PTPRT: variants seen among roughly 807,000 people sequenced by gnomAD.
PTPRT encodes protein tyrosine phosphatase receptor type T.
A neutral mutation model predicts 176.8 loss-of-function variants in PTPRT; 56 were observed. The ratio of observed to expected loss-of-function variants is 0.32; its 90% CI spans 0.26 to 0.40. The LOEUF is 0.40. Ranked by LOEUF, PTPRT falls within the 10% of genes least tolerant of loss-of-function variation. PTPRT has a pLI of 1.00. For synonymous variants in PTPRT, 783 were observed against 739.0 expected (o/e 1.06, Z -0.96); for missense variants, 1,540 against 1,908.2 (o/e 0.81, Z 3.60).
At chr20:42,648,739 C>T (rs551543456) in intron 7 of PTPRT, among the ~76,000 whole-genome samples, 4 of 151,816 alleles carry the variant, frequency 2.6e-5, no homozygotes, top group Non-Finnish European at 4.4e-5. Context: ...CTGTATCAGT[C>T]CATTCTCATG....
intron 2 of PTPRT, among the ~76,000 whole-genome samples, chr20:42,865,155 AG>A (rs1327528699): frequency 6.7e-4 from 102 of 152,322 alleles, no homozygotes; most frequent in Non-Finnish European, 2.1e-4. Context: ...ATGCCACAGC[AG>A]AACTGCTTTA....
chr20:42,766,985 T>C (rs2076991620), intron 5 of PTPRT, among the ~76,000 whole-genome samples: 1 of 152,158 alleles, frequency 6.6e-6, no homozygotes, highest in Admixed American at 6.5e-5. Context: ...CCCAACCTTA[T>C]TATATGAGGC....
intron 11 of PTPRT, among the ~76,000 whole-genome samples, chr20:42,336,100 T>A (rs901461703): frequency 6.6e-5 from 10 of 152,246 alleles, no homozygotes; most frequent in Middle Eastern, 3.4e-3. Context: ...TTAAATTAAT[T>A]ATGTAATAAT....
intron 1 of PTPRT, among the ~76,000 whole-genome samples, chr20:42,912,910 G>A (rs1176417604): frequency 6.6e-6 from 1 of 152,064 alleles, no homozygotes; most frequent in East Asian, 1.9e-4. Context: ...TAATTATTAT[G>A]GATCTGAACA....
chr20:43,187,665 C>G (rs774669449), intron 1 of PTPRT, among the ~76,000 whole-genome samples: 5 of 152,104 alleles, frequency 3.3e-5, no homozygotes, highest in Non-Finnish European at 5.9e-5. Context: ...TATGCTATAT[C>G]GCAGGTTTGC....
intron 1 of PTPRT, among the ~76,000 whole-genome samples, chr20:43,007,686 G>A (rs1184193658): frequency 6.6e-6 from 1 of 152,196 alleles, no homozygotes; most frequent in African/African-American, 2.4e-5. Context: ...GTTTGTTGAT[G>A]TGGCACATTG....
chr20:42,110,362 CG>C lies in PTPRT; in HGVS notation c.3224del (p.Pro1075ArgfsTer6), dbSNP rs1568940954. ...FVRQVKFLNPPEAGPIVVHCS... is the reference protein window; with the variant it reads ...FVRQVKFLNPXEAGPIVVHCS... Reference sequence around the variant, plus strand: ...AGTGGACCACTATGGGCCCAGCTTCCGGGGGGTTGAGGAACTTGACCTGGCG... The same window carrying C: ...AGTGGACCACTATGGGCCCAGCTTCCGGGGGTTGAGGAACTTGACCTGGCG... On this transcript the variant is annotated frameshift_variant, in exon 23 of 31. Transcript: ENST00000373187. LOFTEE classifies it high-confidence loss of function. The C allele has an allele frequency of 6.2e-7, 1 of 1,612,378 alleles. No homozygotes were observed. The highest frequency in any genetic ancestry group is 8.5e-7 in the Non-Finnish European group (1 of 1,178,772).
chr20:42,567,304 AG>A (rs1357825462), intron 7 of PTPRT, among the ~76,000 whole-genome samples: 27 of 149,608 alleles, frequency 1.8e-4, no homozygotes, highest in African/African-American at 5.9e-4. Flanking sequence ...AGAGAGAGAG[AG>A]AGAGAAAAAA....
Position 42,191,038 on chromosome 20 carries a change from C to T in PTPRT, c.2491+8202G>A, listed in dbSNP as rs920900529. Among the ~76,000 whole-genome samples the T allele has an allele frequency of 6.6e-5, 10 of 152,116 alleles. 1 individual carries two copies. The highest frequency in any genetic ancestry group is 2.4e-4 in the African/African-American group (10 of 41,416). On this transcript the variant is annotated intron_variant, in intron 16 of 30. Transcript: ENST00000373187. Reference sequence around the variant, plus strand: ...ATAAGAATGCTTATACAATATAAAACACTCAGCACGTAAATGGGCATATAA... The same window carrying T: ...ATAAGAATGCTTATACAATATAAAATACTCAGCACGTAAATGGGCATATAA...
At chr20:42,319,506 A>G (rs1393058182) in intron 11 of PTPRT, among the ~76,000 whole-genome samples, 1 of 152,178 alleles carries the variant, frequency 6.6e-6, no homozygotes, top group Non-Finnish European at 1.5e-5. Context: ...CTTCAGGCCC[A>G]TGCATTCACA....
At chr20:42,397,566 T>G (rs753261174) in intron 9 of PTPRT, among the ~76,000 whole-genome samples, 6 of 152,224 alleles carry the variant, frequency 3.9e-5, no homozygotes, top group Non-Finnish European at 7.3e-5. Context: ...TGTTTCTGTG[T>G]TAGTTTAAGT....
chr20:42,202,010 C>G (rs1325769582), intron 15 of PTPRT, among the ~76,000 whole-genome samples: 1 of 140,148 alleles, frequency 7.1e-6, no homozygotes, highest in African/African-American at 2.6e-5. Flanking sequence ...TATTCTGTTG[C>G]CTACACTGGA....
intron 8 of PTPRT, among the ~76,000 whole-genome samples, chr20:42,464,724 C>G (rs2071076432): frequency 6.6e-6 from 1 of 152,196 alleles, no homozygotes; most frequent in Admixed American, 6.5e-5. Flanking sequence ...CACTCTTACA[C>G]TAAATGACTC....
At chr20:42,089,565 C>T (rs1984391657) in intron 27 of PTPRT, among the ~76,000 whole-genome samples, 1 of 152,206 alleles carries the variant, frequency 6.6e-6, no homozygotes, top group African/African-American at 2.4e-5. Context: ...TTTCGGGACA[C>T]TTCTCTGCAT....
chr20:42,576,829 T>C (rs1410916882), intron 7 of PTPRT, among the ~76,000 whole-genome samples: 2 of 152,226 alleles, frequency 1.3e-5, no homozygotes, highest in Admixed American at 6.5e-5. Flanking sequence ...TATTTATTCA[T>C]TCTACAAGTG....
intron 2 of PTPRT, among the ~76,000 whole-genome samples, chr20:42,815,252 T>C (rs2077763070): frequency 6.6e-6 from 1 of 152,176 alleles, no homozygotes; most frequent in African/African-American, 2.4e-5. Context: ...GAATTATTTA[T>C]GTTGGTCAAT....
intron 12 of PTPRT, among the ~76,000 whole-genome samples, chr20:42,284,405 CA>C (rs1269895029): frequency 6.6e-6 from 1 of 151,994 alleles, no homozygotes; most frequent in Non-Finnish European, 1.5e-5. Context: ...CCATCTTCTT[CA>C]ACTGATCCAA....
chr20:42,081,681 G>A (rs983686807), intron 30 of PTPRT, among the ~76,000 whole-genome samples: 3 of 152,218 alleles, frequency 2.0e-5, no homozygotes, highest in Non-Finnish European at 4.4e-5. Context: ...ATTAGTAATT[G>A]GATTTTCCTG....
At chr20:42,831,568 A>G (rs1377834154) in intron 2 of PTPRT, among the ~76,000 whole-genome samples, 1 of 152,230 alleles carries the variant, frequency 6.6e-6, no homozygotes, top group Non-Finnish European at 1.5e-5. Context: ...ACAGCAAAAT[A>G]AACTATCAAC....
Sources: allele counts gnomAD v4.1 joint callset (sites outside exome capture counted in the v4.1 genomes callset), GRCh38; gene constraint gnomAD v4.1.1; transcripts MANE v1.5; gene names NCBI Gene and HGNC (gene_info 2026-07-23, HGNC 2026-07-21).